The following AUTS2 variants were observed in gnomAD, a reference collection of about 807,000 sequenced individuals.
The protein encoded by AUTS2 is autism susceptibility gene 2 protein.
AUTS2 carries 17 observed loss-of-function variants against 112.4 expected under a neutral mutation model. That is an observed-to-expected ratio of 0.15 (90% CI 0.10 to 0.23). The LOEUF (loss-of-function observed/expected upper bound fraction) is 0.23. Among genes scored for constraint, AUTS2 ranks in the 10% least tolerant of loss-of-function variants. The pLI, the probability that AUTS2 is intolerant of heterozygous loss-of-function variation, is 1.00. For synonymous variants in AUTS2, 751 were observed against 702.7 expected (o/e 1.07, Z -1.09); for missense variants, 1,510 against 1,701.6 (o/e 0.89, Z 1.98).
chr7:69,980,801 G>C (rs1015621746), intron 2 of AUTS2, among the ~76,000 whole-genome samples: 1 of 152,066 alleles, frequency 6.6e-6, no homozygotes, highest in Non-Finnish European at 1.5e-5. Context: ...AAGCCTTGGC[G>C]TCAATTTTTT....
rs1478564199 is a variant in AUTS2, at chr7:70,020,957, C to CTATA, written c.523-97175_523-97174insTATA. Among the ~76,000 whole-genome samples the CTATA allele has an allele frequency of 8.5e-5, 13 of 152,310 alleles. No individual in the cohort carries two copies. In the East Asian group the frequency reaches 2.5e-3, roughly 29 times the overall value. Reference sequence around the variant, plus strand: ...AAGTGTTGGGATTATAGGCATGAGCCACCATGCCCAGCCTAGAAACTTTTC... The same window carrying CTATA: ...AAGTGTTGGGATTATAGGCATGAGCCTATAACCATGCCCAGCCTAGAAACTTTTC... On this transcript the variant is annotated intron_variant, in intron 2 of 18. Coordinates refer to ENST00000342771, the MANE Select transcript of AUTS2 (RefSeq NM_015570.4).
intron 5 of AUTS2, among the ~76,000 whole-genome samples, chr7:70,486,001 TAATAAATA>T (rs71530002): frequency 1.6e-4 from 19 of 122,516 alleles, no homozygotes; most frequent in Admixed American, 2.4e-4. Context: ...AATAAATAAA[TAATAAATA>T]AATAAATAAA....
chr7:70,790,161 TGAA>T lies in AUTS2; in HGVS notation c.2947_2949del (p.Lys983del), dbSNP rs781719723. 1 of 1,610,972 alleles carries T rather than the reference TGAA, an allele frequency of 6.2e-7. No individual in the cohort carries two copies. Among genetic ancestry groups the T allele is most frequent in the South Asian group, 1.1e-5 (1 of 90,906 alleles). On this transcript the variant is annotated inframe_deletion, in exon 19 of 19. Transcript: ENST00000342771. The surrounding 1 kb of genome is among the most constrained non-coding windows in gnomAD (Gnocchi z 7.6). Reference sequence around the variant, plus strand: ...CCCAAGAAGAGCTCCGAGGTCAAGGTGAAGGAGGAGCGGAAGGAAGACCATGAC... The same window carrying T: ...CCCAAGAAGAGCTCCGAGGTCAAGGTGGAGGAGCGGAAGGAAGACCATGAC...
intron 2 of AUTS2, among the ~76,000 whole-genome samples, chr7:69,952,183 A>G (rs907337743): frequency 6.6e-6 from 1 of 152,148 alleles, no homozygotes; most frequent in Non-Finnish European, 1.5e-5. Context: ...CTGAAAGTGT[A>G]AATTTATATT....
chr7:69,619,881 A>G (rs1483084518), intron 1 of AUTS2, among the ~76,000 whole-genome samples: 2 of 152,190 alleles, frequency 1.3e-5, no homozygotes, highest in Non-Finnish European at 2.9e-5. Flanking sequence ...TGTGTCTAAC[A>G]CAGAAAAAGA....
At chr7:69,766,107 C>T (rs1254941274) in intron 1 of AUTS2, among the ~76,000 whole-genome samples, 1 of 152,166 alleles carries the variant, frequency 6.6e-6, no homozygotes, top group Non-Finnish European at 1.5e-5. Flanking sequence ...ACCGCCCATT[C>T]TCTGTTCTTC....
chr7:70,518,705 G>A (rs1434962870), intron 5 of AUTS2, among the ~76,000 whole-genome samples: 1 of 151,392 alleles, frequency 6.6e-6, no homozygotes, highest in Non-Finnish European at 1.5e-5. Flanking sequence ...AAAATGTGTC[G>A]TTTTGTTTGT....
chr7:70,291,796 C>T (rs1289553767), intron 4 of AUTS2: 1 of 152,044 alleles, frequency 6.6e-6, no homozygotes, highest in Admixed American at 6.5e-5. Flanking sequence ...GACTAGTAAG[C>T]TTGAGAAATA....
intron 1 of AUTS2, among the ~76,000 whole-genome samples, chr7:69,750,467 C>G (rs1787688272): frequency 6.8e-6 from 1 of 147,716 alleles, no homozygotes; most frequent in African/African-American, 2.5e-5. Context: ...ATAACAAATA[C>G]TATGTTAGTA....
At chr7:70,007,905 G>A (rs1390637282) in intron 2 of AUTS2, among the ~76,000 whole-genome samples, 1 of 152,112 alleles carries the variant, frequency 6.6e-6, no homozygotes, top group Non-Finnish European at 1.5e-5. Flanking sequence ...CATCAAATAT[G>A]TTTTACCTTT....
Position 69,899,415 on chromosome 7 carries a change from C to A in AUTS2, c.439C>A (p.His147Asn), listed in dbSNP as rs1357971845. Residue 147 changes from histidine to asparagine, a missense_variant, in exon 2 of 19, where the codon CAC becomes AAC. Transcript: ENST00000342771. ...SKKSRLSHPH[H>N]YSSDRENDRN... ...GAAGAGCAGACTCAGCCACCCACAC[C>A]ACTACAGCTCAGATCGAGAAAATGA... 6.2e-7 allele frequency: 1 copy of A among 1,614,014 alleles called. No individual in the cohort carries two copies. Among genetic ancestry groups the A allele is most frequent in the Non-Finnish European group, 8.5e-7 (1 of 1,179,886 alleles).
chr7:70,155,519 C>T (rs1238020710), intron 4 of AUTS2, among the ~76,000 whole-genome samples: 1 of 150,502 alleles, frequency 6.6e-6, no homozygotes, highest in Non-Finnish European at 1.5e-5. Context: ...AAAACTGGCA[C>T]TCTTGTGCCA....
chr7:69,930,696 C>T (rs1796194230), intron 2 of AUTS2, among the ~76,000 whole-genome samples: 1 of 152,136 alleles, frequency 6.6e-6, no homozygotes, highest in East Asian at 1.9e-4. Flanking sequence ...AAGCTCAAGA[C>T]CATAATTTGT....
intron 4 of AUTS2, among the ~76,000 whole-genome samples, chr7:70,350,338 T>C (rs1427172071): frequency 6.6e-6 from 1 of 152,210 alleles, no homozygotes; most frequent in African/African-American, 2.4e-5. Flanking sequence ...TTACTCTGGG[T>C]GTATTATTTC....
At chr7:70,617,999 A>G (rs976203279) in intron 5 of AUTS2, among the ~76,000 whole-genome samples, 2 of 152,180 alleles carry the variant, frequency 1.3e-5, no homozygotes, top group Non-Finnish European at 2.9e-5. Flanking sequence ...TAACTTGGAG[A>G]AGGAGGAAAG....
intron 2 of AUTS2, among the ~76,000 whole-genome samples, chr7:70,115,680 T>C (rs1038162929): frequency 6.6e-6 from 1 of 152,230 alleles, no homozygotes; most frequent in Non-Finnish European, 1.5e-5. Flanking sequence ...CTACCTGCCC[T>C]TACTTAACTC....
intron 2 of AUTS2, among the ~76,000 whole-genome samples, chr7:69,920,447 C>T (rs553344283): frequency 6.6e-5 from 10 of 152,028 alleles, no homozygotes; most frequent in Admixed American, 2.6e-4. Context: ...CCACCATGCC[C>T]GGCTGTTTTT....
rs184867077 is a variant in AUTS2, at chr7:70,190,785, C to T, written c.660+56214C>T. On this transcript the variant is annotated intron_variant, in intron 4 of 18. Coordinates refer to ENST00000342771, the MANE Select transcript of AUTS2 (RefSeq NM_015570.4). ...TAGGAGTTTCCTAGAGGATTTGCAG[C>T]GTACACTATTGTATAATCTCATTGC... 9.9e-5 allele frequency among the ~76,000 whole-genome samples: 15 copies of T among 152,118 alleles called. No individual in the cohort carries two copies. In the East Asian group the frequency reaches 1.4e-3, roughly 14 times the overall value.
intron 2 of AUTS2, among the ~76,000 whole-genome samples, chr7:69,906,505 G>A (rs564876557): frequency 6.6e-6 from 1 of 152,304 alleles, no homozygotes; most frequent in African/African-American, 2.4e-5. Context: ...GGTGACAGGC[G>A]ACTCACAATG....
Sources: allele counts gnomAD v4.1 joint callset (sites outside exome capture counted in the v4.1 genomes callset), GRCh38; gene constraint gnomAD v4.1.1; non-coding constraint Gnocchi (gnomAD v3.1); transcripts MANE v1.5; gene names NCBI Gene and HGNC (gene_info 2026-07-23, HGNC 2026-07-21).